Variants in CA6 observed in about 807,000 individuals in gnomAD.
The protein encoded by CA6 is carbonic anhydrase 6, also known as carbonate dehydratase VI.
CA6 carries 28 observed loss-of-function variants against 35.9 expected under a neutral mutation model. That is an observed-to-expected ratio of 0.78 (90% CI 0.58 to 1.07). The LOEUF (loss-of-function observed/expected upper bound fraction) is 1.07. Ranked by LOEUF, CA6 falls within the 50% of genes least tolerant of loss-of-function variation. The probability of loss-of-function intolerance (pLI) is 0.00; values close to 1 mark genes in which losing one functional copy is unlikely to be tolerated. For missense variants in CA6, 377 were observed against 382.0 expected (o/e 0.99, Z 0.11); for synonymous variants, 148 against 152.6 (o/e 0.97, Z 0.22).
At chr1:8,946,654 C>G (rs1238013342) in intron 1 of CA6, among the ~76,000 whole-genome samples, 1 of 152,014 alleles carries the variant, frequency 6.6e-6, no homozygotes, top group African/African-American at 2.4e-5. Context: ...TTAGAAAAGA[C>G]TCTCGGTAAC....
chr1:8,967,952 G>C (rs984787101), intron 6 of CA6, 136 bp downstream of exon 6: 2 of 569,512 alleles, frequency 3.5e-6, no homozygotes, highest in Non-Finnish European at 2.9e-6. Flanking sequence ...ACTGTGCCTC[G>C]TCTAGCCAAC....
chr1:8,957,046 G>C (rs1639704038), intron 2 of CA6, 91 bp from the exon 3 acceptor site: 1 of 1,183,696 alleles, frequency 8.4e-7, no homozygotes. Flanking sequence ...GGCTCAGACA[G>C]GTGGGAGGTG....
rs1428140121 is a variant in CA6, at chr1:8,963,749, C to T, written c.571+1093C>T. On this transcript the variant is annotated intron_variant, in intron 5 of 7. Transcript: ENST00000377443. This position sits in a 1 kb window ranked among gnomAD's most constrained non-coding sequence, Gnocchi z 4.1. ...TAGAGACAGGGTCTCACCATGTTCT[C>T]AGGCTGGTCTTGAACTCCTGGGCTC... Among the ~76,000 whole-genome samples, 1 of 152,116 alleles carries T rather than the reference C, an allele frequency of 6.6e-6. No homozygotes were observed. The highest frequency in any genetic ancestry group is 1.5e-5 in the Non-Finnish European group (1 of 68,036).
intron 6 of CA6, 29 bp downstream of exon 6, chr1:8,967,845 C>G (rs1338329716): frequency 5.6e-6 from 9 of 1,606,104 alleles, no homozygotes; most frequent in Non-Finnish European, 6.8e-6. Flanking sequence ...TTGCCGAAGT[C>G]TTCCCATTCG....
At chr1:8,971,402 C>G (rs1640107208) in intron 7 of CA6, among the ~76,000 whole-genome samples, 1 of 150,668 alleles carries the variant, frequency 6.6e-6, no homozygotes, top group Non-Finnish European at 1.5e-5. Context: ...ACCTCTGCTT[C>G]CCGGGTTCAA....
Position 8,957,221 on chromosome 1 carries a change from GA to G in CA6, c.345del (p.Gly116ValfsTer19). 6.2e-7 allele frequency: 1 copy of G among 1,614,104 alleles called. No homozygotes were observed. Among genetic ancestry groups the G allele is most frequent in the Non-Finnish European group, 8.5e-7 (1 of 1,179,954 alleles). ...YIAQQMHFHW[G>X]GASSEISGSE... ...GCCCAGCAGATGCACTTTCACTGGG[GA>G]GGTGCGTCCTCGGAGATCAGCGGCT... On this transcript the variant is annotated frameshift_variant, in exon 3 of 8. Transcript: ENST00000377443. LOFTEE classifies it high-confidence loss of function.
chr1:8,958,632 C>T (rs1043920063), intron 3 of CA6, among the ~76,000 whole-genome samples: 9 of 152,250 alleles, frequency 5.9e-5, no homozygotes, highest in Non-Finnish European at 1.5e-5. Flanking sequence ...TCAGACTCTG[C>T]CAGCTTGTCT....
Position 8,958,929 on chromosome 1 carries a change from A to G in CA6, c.428A>G (p.Asn143Ser), listed in dbSNP as rs1557625992. The change falls in exon 4 of 8, where the codon AAT becomes AGT. Residue 143 changes from asparagine (N) to serine (S), a missense_variant. Transcript: ENST00000377443. ...TTACAGATTCACATTGTTCACTACA[A>G]TTCTAAATACAAGAGCTATGATATA... ...HVIEIHIVHY[N>S]SKYKSYDIAQ... 2.5e-6 allele frequency: 4 copies of G among 1,609,846 alleles called. No individual in the cohort carries two copies. Among genetic ancestry groups the G allele is most frequent in the South Asian group, 1.1e-5 (1 of 90,862 alleles).
rs140314132 is a variant in CA6, at chr1:8,967,688, G to A, written c.601G>A (p.Val201Ile). ...GQRTTLTGLD[V>I]QDMLPRNLQH... ...AAGAACAACCCTGACTGGCCTTGACGTTCAGGACATGCTGCCCAGGAACCT... is the reference window on the plus strand; with the variant it reads ...AAGAACAACCCTGACTGGCCTTGACATTCAGGACATGCTGCCCAGGAACCT... The change falls in exon 6 of 8, where the codon GTT becomes ATT. Residue 201 changes from valine to isoleucine, a missense_variant. Transcript: ENST00000377443. 79 of 1,613,926 alleles carry A rather than the reference G, an allele frequency of 4.9e-5. No homozygotes were observed. Among genetic ancestry groups the A allele is most frequent in the Non-Finnish European group, 5.8e-5 (69 of 1,179,994 alleles).
intron 7 of CA6, among the ~76,000 whole-genome samples, chr1:8,972,158 C>T (rs1281455748): frequency 1.3e-5 from 2 of 152,072 alleles, no homozygotes; most frequent in African/African-American, 2.4e-5. Context: ...AGTGATCCTC[C>T]CACCTCAGCC....
At chr1:8,957,336 T>C in intron 3 of CA6, 51 bp downstream of exon 3, 1 of 1,521,392 alleles carries the variant, frequency 6.6e-7, no homozygotes, top group African/African-American at 1.4e-5. Context: ...CCATAGTCAC[T>C]TTTCTTTTTA....
At chr1:8,973,798 CCT>C (rs59202016) in intron 7 of CA6, among the ~76,000 whole-genome samples, 70,210 of 119,490 alleles carry the variant, frequency 0.59, 24,079 homozygotes, top group African/African-American at 0.86. Flanking sequence ...TCCCTCCCTC[CCT>C]CTCTCTCTCT....
chr1:8,947,402 CGGG>C (rs1639394706), intron 1 of CA6, among the ~76,000 whole-genome samples: 2 of 152,026 alleles, frequency 1.3e-5, no homozygotes, highest in Non-Finnish European at 2.9e-5. Context: ...TCAGGGTGAA[CGGG>C]ATGATCTGTT....
At chr1:8,956,511 T>C (rs930198413) in intron 2 of CA6, among the ~76,000 whole-genome samples, 2 of 151,970 alleles carry the variant, frequency 1.3e-5, no homozygotes, top group African/African-American at 4.8e-5. Flanking sequence ...AACACAAAAA[T>C]TAGCCAGGCA....
At chr1:8,952,619 T>C (rs1639568977) in intron 2 of CA6, 1 of 152,134 alleles carries the variant, frequency 6.6e-6, no homozygotes, top group Non-Finnish European at 1.5e-5. Flanking sequence ...AACAGTAAAG[T>C]TGACATGACG....
intron 4 of CA6, among the ~76,000 whole-genome samples, chr1:8,960,143 A>T (rs1259769146): frequency 6.6e-6 from 1 of 151,974 alleles, no homozygotes; most frequent in Non-Finnish European, 1.5e-5. Context: ...AGGCAGGAGA[A>T]CTACTCGAAC....
intron 4 of CA6, among the ~76,000 whole-genome samples, chr1:8,960,334 A>T (rs190730899): frequency 6.6e-6 from 1 of 152,156 alleles, no homozygotes; most frequent in African/African-American, 2.4e-5. Context: ...ACCTGAGTGG[A>T]CCCAGAGTGA....
At chr1:8,954,964 G>T (rs558872676) in intron 2 of CA6, among the ~76,000 whole-genome samples, 2 of 152,152 alleles carry the variant, frequency 1.3e-5, no homozygotes, top group Non-Finnish European at 1.5e-5. Context: ...ACAAAGACAA[G>T]TTGCTACAAA....
At chr1:8,958,158 T>G (rs1639740979) in intron 3 of CA6, among the ~76,000 whole-genome samples, 1 of 152,056 alleles carries the variant, frequency 6.6e-6, no homozygotes, top group South Asian at 2.1e-4. Context: ...GATTTCTATG[T>G]GTTAGATTTT....
Sources: gnomAD v4.1 joint callset for allele counts (sites outside exome capture counted in the v4.1 genomes callset) on GRCh38, gnomAD v4.1.1 for gene constraint, Gnocchi (gnomAD v3.1) non-coding constraint, MANE v1.5 for transcripts, NCBI Gene and HGNC (gene_info 2026-07-23, HGNC 2026-07-21) for gene names.